DEPDC5: variants seen among roughly 807,000 people sequenced by gnomAD.
The protein encoded by DEPDC5 is GATOR1 complex protein DEPDC5.
Under a neutral mutation model 217.3 loss-of-function variants are expected in DEPDC5, and 73 were observed. The observed-to-expected ratio is 0.34, with a 90% confidence interval of 0.28 to 0.41. DEPDC5 has a LOEUF of 0.41. DEPDC5 is among the 10% of genes least tolerant of loss of function. The probability of loss-of-function intolerance (pLI) is 1.00; values close to 1 mark genes in which losing one functional copy is unlikely to be tolerated. For missense variants in DEPDC5, 1,675 were observed against 2,070.1 expected, an observed-to-expected ratio of 0.81 and a Z score of 3.70; for synonymous variants, 733 against 756.7, an observed-to-expected ratio of 0.97 and a Z score of 0.51.
chr22:31,784,794 T>C lies in DEPDC5; in HGVS notation c.563-20T>C, dbSNP rs1174560956. 1.2e-6 allele frequency: 2 copies of C among 1,609,542 alleles called. No homozygotes were observed. The highest frequency in any genetic ancestry group is 2.2e-5 in the South Asian group (2 of 90,368). On this transcript the variant is annotated intron_variant, in intron 9 of 42. Coordinates refer to ENST00000651528, the MANE Select transcript of DEPDC5 (RefSeq NM_001242896.3). Reference sequence around the variant, plus strand: ...AGATTGTTCTCATGTTCTCATCCTTTTTTCATTGTTTCTTTTCAGGGGATT... The same window carrying C: ...AGATTGTTCTCATGTTCTCATCCTTCTTTCATTGTTTCTTTTCAGGGGATT...
intron 22 of DEPDC5, 133 bp from the exon 23 acceptor site, chr22:31,821,369 C>T: frequency 8.0e-7 from 1 of 1,257,552 alleles, no homozygotes; most frequent in Non-Finnish European, 1.1e-6. Flanking sequence ...GGGAGCCACC[C>T]TCTGTGGTGT....
chr22:31,754,824 C>A, intron 1 of DEPDC5, 38 bp from the exon 2 acceptor site: 1 of 1,416,812 alleles, frequency 7.1e-7, no homozygotes, highest in Non-Finnish European at 9.9e-7. Context: ...AAGGAAAAAT[C>A]TGACATTCCA....
intron 3 of DEPDC5, among the ~76,000 whole-genome samples, chr22:31,759,448 A>G (rs1159520435): frequency 4.0e-5 from 6 of 150,566 alleles, no homozygotes; most frequent in African/African-American, 7.3e-5. Flanking sequence ...ATCTTGGCTC[A>G]CTGCAATCTC....
intron 24 of DEPDC5, among the ~76,000 whole-genome samples, chr22:31,832,264 G>T (rs577398507): frequency 2.0e-5 from 3 of 152,098 alleles, no homozygotes; most frequent in Non-Finnish European, 4.4e-5. Context: ...CAAAGTTTTC[G>T]TACGAACTTA....
chr22:31,809,101 A>G (rs893035063), intron 18 of DEPDC5, among the ~76,000 whole-genome samples: 11 of 152,136 alleles, frequency 7.2e-5, no homozygotes, highest in African/African-American at 2.7e-4. Flanking sequence ...AAAGATCTTT[A>G]AGAAAATGTA....
intron 7 of DEPDC5, 30 bp from the exon 8 acceptor site, chr22:31,778,069 T>G: frequency 6.2e-7 from 1 of 1,612,742 alleles, no homozygotes; most frequent in Non-Finnish European, 8.5e-7. Flanking sequence ...CATGTAAGAC[T>G]TGTAATAACT....
At chr22:31,875,876 A>AC (rs1602636437) in intron 36 of DEPDC5, 4 of 272,340 alleles carry the variant, frequency 1.5e-5, no homozygotes, top group South Asian at 8.8e-5. Flanking sequence ...CAAGTGATCC[A>AC]CCCCCCTCAG....
chr22:31,880,817 G>T (rs1481973366), intron 38 of DEPDC5, among the ~76,000 whole-genome samples: 1 of 152,106 alleles, frequency 6.6e-6, no homozygotes, highest in Non-Finnish European at 1.5e-5. Flanking sequence ...AAGGTCGGGA[G>T]ATCGAGACCA....
chr22:31,756,922 A>G (rs981236586), intron 2 of DEPDC5, among the ~76,000 whole-genome samples: 1 of 150,690 alleles, frequency 6.6e-6, no homozygotes, highest in Non-Finnish European at 1.5e-5. Context: ...CCCTGTCTTT[A>G]AAAAAATAAA....
intron 31 of DEPDC5, among the ~76,000 whole-genome samples, chr22:31,852,045 T>C (rs2092055635): frequency 6.6e-6 from 1 of 151,550 alleles, no homozygotes; most frequent in South Asian, 2.1e-4. Context: ...TAGCCTAGAG[T>C]GGTGGTGAAT....
chr22:31,779,735 T>C (rs1033651427), intron 8 of DEPDC5, among the ~76,000 whole-genome samples: 1 of 152,196 alleles, frequency 6.6e-6, no homozygotes, highest in Admixed American at 6.5e-5. Context: ...GTAAAAGAAA[T>C]CATGGATATG....
intron 33 of DEPDC5, among the ~76,000 whole-genome samples, chr22:31,868,359 GCAAA>G (rs904008906): frequency 6.6e-6 from 1 of 151,868 alleles, no homozygotes; most frequent in Non-Finnish European, 1.5e-5. Context: ...GCCCCCCACA[GCAAA>G]CAGTTATCTG....
Position 31,870,754 on chromosome 22 carries a change from A to G in DEPDC5, c.3485+10A>G. On this transcript the variant is annotated intron_variant, in intron 34 of 42. Coordinates refer to ENST00000651528, the MANE Select transcript of DEPDC5 (RefSeq NM_001242896.3). Reference sequence around the variant, plus strand: ...ACTCCAGTGACAGCAGGTGAGATTCAGAGTGGCCAAACTCATGTTCCTGGG... The same window carrying G: ...ACTCCAGTGACAGCAGGTGAGATTCGGAGTGGCCAAACTCATGTTCCTGGG... The G allele has an allele frequency of 6.5e-7, 1 of 1,544,624 alleles. No homozygotes were observed. The highest frequency in any genetic ancestry group is 8.7e-7 in the Non-Finnish European group (1 of 1,146,826).
intron 37 of DEPDC5, among the ~76,000 whole-genome samples, chr22:31,878,224 T>C (rs1242208261): frequency 6.6e-6 from 1 of 151,886 alleles, no homozygotes; most frequent in Non-Finnish European, 1.5e-5. Flanking sequence ...ATGAAGCAGC[T>C]AGTGCCACTC....
At chr22:31,781,428 TTTATTTA>T (rs1336015881) in intron 8 of DEPDC5, among the ~76,000 whole-genome samples, 2 of 150,358 alleles carry the variant, frequency 1.3e-5, no homozygotes, top group Admixed American at 6.6e-5. Context: ...AGTTTATTTA[TTTATTTA>T]TTATTATTTT....
rs373645855 is a variant in DEPDC5 at position 31,906,369 on chromosome 22, G to C, written c.4684G>C (p.Ala1562Pro). 6.2e-7 allele frequency: 1 copy of C among 1,613,976 alleles called. No homozygotes were observed. The highest frequency in any genetic ancestry group is 1.3e-5 in the African/African-American group (1 of 74,958). ...TMLTKTWRSS[A>P]TGDEKFADRL... ...GCTCACCAAAACATGGCGCTCCAGC[G>C]CCACAGGGGATGAAAAGTTTGCTGA... Residue 1562 changes from alanine to proline, a missense_variant, in exon 43 of 43, where the codon GCC (alanine) becomes CCC (proline). Physicochemically the swap from Ala to Pro is conservative, Grantham distance 27 (BLOSUM62 -1). Transcript: ENST00000651528. This position sits in a 1 kb window ranked among gnomAD's most constrained non-coding sequence, Gnocchi z 5.1.
At chr22:31,828,818 G>C (rs9621345) in intron 24 of DEPDC5, among the ~76,000 whole-genome samples, 2 of 152,158 alleles carry the variant, frequency 1.3e-5, no homozygotes, top group African/African-American at 4.8e-5. Flanking sequence ...TGACTCTCCC[G>C]ACCTCAAGGA....
intron 2 of DEPDC5, among the ~76,000 whole-genome samples, chr22:31,756,024 C>T (rs1429172764): frequency 3.3e-5 from 5 of 150,462 alleles, no homozygotes; most frequent in Non-Finnish European, 7.4e-5. Context: ...AGGTGCATGC[C>T]GCCACACCTG....
intron 38 of DEPDC5, among the ~76,000 whole-genome samples, chr22:31,888,059 G>T (rs984792880): frequency 1.3e-5 from 2 of 152,006 alleles, no homozygotes; most frequent in Non-Finnish European, 2.9e-5. Flanking sequence ...GTTTTGAAAT[G>T]CCTGACATTG....
Sources: allele counts gnomAD v4.1 joint callset (sites outside exome capture counted in the v4.1 genomes callset), GRCh38; gene constraint gnomAD v4.1.1; non-coding constraint Gnocchi (gnomAD v3.1); transcripts MANE v1.5; gene names NCBI Gene and HGNC (gene_info 2026-07-23, HGNC 2026-07-21).